Variants in GANC observed in about 807,000 individuals in gnomAD.
GANC encodes neutral alpha-glucosidase C.
A neutral mutation model predicts 124.2 loss-of-function variants in GANC; 117 were observed. The ratio of observed to expected loss-of-function variants is 0.94; its 90% confidence interval spans 0.81 to 1.10. The LOEUF (loss-of-function observed/expected upper bound fraction) is 1.10. GANC is among the 50% of genes least tolerant of loss of function. The pLI is 0.00. For synonymous variants in GANC, 377 were observed against 376.8 expected (o/e 1.00, Z -0.01); for missense variants, 1,140 against 1,095.0 (o/e 1.04, Z -0.58).
chr15:42,288,584 T>G (rs974528335), intron 4 of GANC, among the ~76,000 whole-genome samples: 13 of 152,230 alleles, frequency 8.5e-5, no homozygotes, highest in Non-Finnish European at 1.2e-4. Flanking sequence ...TACATTATAA[T>G]GAGAAATGAA....
At chr15:42,322,113 TG>T (rs2052164297) in intron 11 of GANC, 93 bp downstream of exon 11, 1 of 947,456 alleles carries the variant, frequency 1.1e-6, no homozygotes, top group South Asian at 1.7e-5. Context: ...GAGAAACATC[TG>T]ATAAAAAATG....
rs745900065 is a variant in GANC at position 42,351,456 on chromosome 15, C to T, written c.2635+24C>T. 4.6e-6 allele frequency: 7 copies of T among 1,513,190 alleles called. No homozygotes were observed. The African/African-American group carries it at 8.3e-5, about 18-fold the overall frequency. 93.7% of individuals were successfully genotyped at this position (1,513,190 alleles called of 1,614,324 possible). On this transcript the variant is annotated intron_variant, in intron 23 of 23. Transcript: ENST00000318010. ...TGGTGAGAAAGCAGTCCATTCTTAC[C>T]TCACCATTTGTTTTTATAAACAGAA...
chr15:42,336,614 A>C (rs1283101528), intron 15 of GANC, among the ~76,000 whole-genome samples: 1 of 152,242 alleles, frequency 6.6e-6, no homozygotes, highest in Non-Finnish European at 1.5e-5. Context: ...CAATTGGAAC[A>C]AAAGCAAAAT....
intron 3 of GANC, chr15:42,284,193 A>G: frequency 1.7e-6 from 1 of 595,278 alleles, no homozygotes; most frequent in Non-Finnish European, 3.0e-6. Flanking sequence ...CTTAACACCC[A>G]CTGCAAATTT....
chr15:42,309,599 T>G (rs982907642), intron 8 of GANC, among the ~76,000 whole-genome samples: 1 of 151,448 alleles, frequency 6.6e-6, no homozygotes, highest in East Asian at 2.0e-4. Context: ...ATTACAGGCG[T>G]GAGCCACCGG....
chr15:42,274,601 G>GT, intron 1 of GANC, 91 bp downstream of exon 1: 1 of 1,261,550 alleles, frequency 7.9e-7, no homozygotes, highest in Non-Finnish European at 1.1e-6. Flanking sequence ...TGCGTATTTG[G>GT]TATTTGCTGA....
chr15:42,292,621 T>C lies in GANC; in HGVS notation c.330-114T>C, dbSNP rs1317102726. 4 of 1,036,274 alleles carry C rather than the reference T, an allele frequency of 3.9e-6. No individual in the cohort carries two copies. In the East Asian group the frequency reaches 1.0e-4, roughly 26 times the overall value. 64.2% of individuals were successfully genotyped at this position (1,036,274 alleles called of 1,614,324 possible). ...ATTAACTTTTCTCTGTTGCCTTATC[T>C]ATGGCTATGTCACATGAATATTGAT... On this transcript the variant is annotated intron_variant, in intron 4 of 23. Transcript: ENST00000318010.
chr15:42,346,745 C>T (rs10438262), intron 20 of GANC, among the ~76,000 whole-genome samples: 2,536 of 152,186 alleles, frequency 0.017, 75 homozygotes, highest in African/African-American at 0.059. Flanking sequence ...CAGTTGTAAT[C>T]CTGGGCCCAG....
chr15:42,350,853 G>A (rs1380587675), intron 22 of GANC, among the ~76,000 whole-genome samples: 1 of 149,780 alleles, frequency 6.7e-6, no homozygotes, highest in Non-Finnish European at 1.5e-5. Context: ...ACCATGCCCA[G>A]CGAGTCGTCT....
chr15:42,322,716 C>T (rs546501188), intron 11 of GANC, among the ~76,000 whole-genome samples: 1 of 152,208 alleles, frequency 6.6e-6, no homozygotes, highest in South Asian at 2.1e-4. Flanking sequence ...TGGTGGACTC[C>T]ACCTGTCAAT....
chr15:42,326,296 A>G lies in GANC; in HGVS notation c.1294-2A>G. 2 of 1,599,820 alleles carry G rather than the reference A, an allele frequency of 1.3e-6. No individual in the cohort carries two copies. Among genetic ancestry groups the G allele is most frequent in the Non-Finnish European group, 1.7e-6 (2 of 1,167,144 alleles). Reference sequence around the variant, plus strand: ...GACCTCCAAACCTTCATGTCCTGACAGCTTGTGGTCATCAGTGATCCCCAC... The same window carrying G: ...GACCTCCAAACCTTCATGTCCTGACGGCTTGTGGTCATCAGTGATCCCCAC... On this transcript the variant is annotated splice_acceptor_variant, in intron 11 of 23. Coordinates refer to ENST00000318010, the MANE Select transcript of GANC (RefSeq NM_198141.3). LOFTEE classifies it high-confidence loss of function.
At chr15:42,274,847 G>T (rs1391747464) in intron 1 of GANC, among the ~76,000 whole-genome samples, 4 of 152,060 alleles carry the variant, frequency 2.6e-5, no homozygotes, top group Non-Finnish European at 4.4e-5. Context: ...GGAGGCTGCA[G>T]TGGAGCTGTG....
chr15:42,335,372 T>C (rs1390763549), intron 15 of GANC, among the ~76,000 whole-genome samples: 1 of 152,160 alleles, frequency 6.6e-6, no homozygotes, highest in Non-Finnish European at 1.5e-5. Context: ...AACCACATGA[T>C]CATCTCAATA....
At chr15:42,300,815 T>TC (rs2051938089) in intron 6 of GANC, among the ~76,000 whole-genome samples, 2 of 151,928 alleles carry the variant, frequency 1.3e-5, no homozygotes, top group Non-Finnish European at 2.9e-5. Flanking sequence ...GGTTGGGAGT[T>TC]CAAGACCTGC....
Position 42,338,202 on chromosome 15 carries a change from A to C in GANC, c.1742-187A>C, listed in dbSNP as rs1021829062. On this transcript the variant is annotated intron_variant, in intron 15 of 23. Transcript: ENST00000318010. Reference sequence around the variant, plus strand: ...TTTTCCTAGAATGTTTGTTTTGTAGATTTTAATAACTTTTCACGTTAGAAA... The same window carrying C: ...TTTTCCTAGAATGTTTGTTTTGTAGCTTTTAATAACTTTTCACGTTAGAAA... Among the ~76,000 whole-genome samples, 60 of 152,218 alleles carry C rather than the reference A, an allele frequency of 3.9e-4. 1 individual carries two copies. Among genetic ancestry groups the C allele is most frequent in the African/African-American group, 1.4e-3 (60 of 41,454 alleles).
chr15:42,326,241 G>A lies in GANC; in HGVS notation c.1294-57G>A, dbSNP rs1016616333. 9 of 1,242,952 alleles carry A rather than the reference G, an allele frequency of 7.2e-6. No individual in the cohort carries two copies. The South Asian group carries it at 9.0e-5, about 12-fold the overall frequency. The allele number at this position is 1,242,952 out of a possible 1,614,324, so 77.0% of individuals were successfully genotyped here. A position where few individuals can be genotyped will look rare whatever the true frequency, so the allele number is the denominator to read the frequency against. ...CCCAAACTATGGCGAAAACATATAC[G>A]TGAACATTTGTCTTACATAAAACTG... On this transcript the variant is annotated intron_variant, in intron 11 of 23. Coordinates refer to ENST00000318010, the MANE Select transcript of GANC (RefSeq NM_198141.3).
intron 10 of GANC, chr15:42,314,461 G>T: frequency 1.6e-5 from 5 of 314,850 alleles, no homozygotes; most frequent in Admixed American, 4.8e-5. Context: ...AGCTAACTCA[G>T]GAGCTGTTAT....
In GANC at chr15:42,343,069, A is replaced by G. The variant is rs2052338744; in HGVS notation, c.2153-9A>G. On this transcript the variant is annotated splice_polypyrimidine_tract_variant and intron_variant, in intron 18 of 23. Transcript: ENST00000318010. ...TGATACTCAACTTTATTTCCTCTCC[A>G]TTACTTAGGGAGTGCATTATTGGTT... is the stretch of plus-strand genomic sequence containing the variant. 6.2e-7 allele frequency: 1 copy of G among 1,611,510 alleles called. No individual in the cohort carries two copies. Among genetic ancestry groups the G allele is most frequent in the Non-Finnish European group, 8.5e-7 (1 of 1,177,710 alleles).
At chr15:42,329,625 C>G (rs1002882298) in intron 14 of GANC, 176 bp downstream of exon 14, 2 of 455,874 alleles carry the variant, frequency 4.4e-6, no homozygotes, top group Non-Finnish European at 7.4e-6. Context: ...TTATTTCTCC[C>G]TTTGCTTCTT....
Sources: allele counts gnomAD v4.1 joint callset (sites outside exome capture counted in the v4.1 genomes callset), GRCh38; gene constraint gnomAD v4.1.1; transcripts MANE v1.5; gene names NCBI Gene and HGNC (gene_info 2026-07-23, HGNC 2026-07-21).